Variants in UVRAG observed in about 807,000 individuals in gnomAD.
UVRAG encodes UV radiation resistance associated.
UVRAG carries 19 observed loss-of-function variants against 78.0 expected under a neutral mutation model. The ratio of observed to expected loss-of-function variants is 0.24; its 90% CI spans 0.17 to 0.36. The LOEUF (loss-of-function observed/expected upper bound fraction) is 0.36. UVRAG is among the 10% of genes least tolerant of loss of function. UVRAG has a pLI of 1.00. For synonymous variants in UVRAG, 323 were observed against 324.6 expected (o/e 1.00, Z 0.05); for missense variants, 740 against 853.8 (o/e 0.87, Z 1.66).
intron 14 of UVRAG, among the ~76,000 whole-genome samples, chr11:76,133,201 C>T (rs936964533): frequency 6.6e-6 from 1 of 152,088 alleles, no homozygotes; most frequent in Non-Finnish European, 1.5e-5. Flanking sequence ...AGGAATTTTA[C>T]TTGTATATCT....
intron 12 of UVRAG, among the ~76,000 whole-genome samples, chr11:76,018,141 C>G (rs1447299550): frequency 6.6e-6 from 1 of 151,918 alleles, no homozygotes. Context: ...TTAGCATTGT[C>G]TGGAAAATGG....
chr11:76,021,263 G>A (rs1950241767), intron 12 of UVRAG, among the ~76,000 whole-genome samples: 1 of 152,032 alleles, frequency 6.6e-6, no homozygotes, highest in Non-Finnish European at 1.5e-5. Flanking sequence ...GTTCCTGCAA[G>A]GTTAGCAGGG....
At chr11:75,993,953 C>T (rs1306893087) in intron 8 of UVRAG, among the ~76,000 whole-genome samples, 1 of 152,094 alleles carries the variant, frequency 6.6e-6, no homozygotes, top group African/African-American at 2.4e-5. Flanking sequence ...AGCCAGGTCT[C>T]CTGTGAACTA....
intron 14 of UVRAG, among the ~76,000 whole-genome samples, chr11:76,132,366 CAGACAATCAAGATTT>C (rs1952527842): frequency 6.6e-6 from 1 of 151,928 alleles, no homozygotes; most frequent in Admixed American, 6.6e-5. Flanking sequence ...GGCCGGGAGC[CAGACAATCAAGATTT>C]AGTATTTTGA....
chr11:76,032,090 G>A (rs1269319209), intron 12 of UVRAG, among the ~76,000 whole-genome samples: 1 of 152,118 alleles, frequency 6.6e-6, no homozygotes, highest in Admixed American at 6.5e-5. Context: ...TAATTTGGGG[G>A]AATATTTTGG....
chr11:75,917,557 T>C (rs1435628557), intron 6 of UVRAG, among the ~76,000 whole-genome samples: 3 of 152,192 alleles, frequency 2.0e-5, no homozygotes, highest in Admixed American at 6.5e-5. Context: ...CTTCAATCTA[T>C]ATCTCTAGCT....
intron 6 of UVRAG, chr11:75,930,938 T>TCTTTCTTG (rs1306906275): frequency 9.9e-5 from 14 of 141,288 alleles, no homozygotes; most frequent in African/African-American, 3.7e-4. Context: ...TTTCTTTCTT[T>TCTTTCTTG]CTTTCTTTCT....
At chr11:75,833,653 C>T (rs752205322) in intron 1 of UVRAG, among the ~76,000 whole-genome samples, 13 of 152,078 alleles carry the variant, frequency 8.5e-5, no homozygotes, top group African/African-American at 2.2e-4. Context: ...CTGGGAGCCT[C>T]GGAACAGAGA....
intron 12 of UVRAG, among the ~76,000 whole-genome samples, chr11:76,040,361 T>C (rs1950622261): frequency 6.6e-6 from 1 of 151,186 alleles, no homozygotes; most frequent in African/African-American, 2.4e-5. Context: ...TAGTCCCAGC[T>C]ACTTGGGAGG....
At chr11:76,061,966 C>T (rs1951103338) in intron 12 of UVRAG, among the ~76,000 whole-genome samples, 1 of 152,186 alleles carries the variant, frequency 6.6e-6, no homozygotes, top group Non-Finnish European at 1.5e-5. Context: ...CTGTAAATTA[C>T]CAGAAACTTG....
chr11:75,828,765 A>G (rs1371930389), intron 1 of UVRAG, among the ~76,000 whole-genome samples: 1 of 112,170 alleles, frequency 8.9e-6, no homozygotes, highest in Non-Finnish European at 1.8e-5. Context: ...ATATATATAT[A>G]TATATATATA....
intron 12 of UVRAG, among the ~76,000 whole-genome samples, chr11:76,056,258 C>A (rs1300299802): frequency 6.6e-6 from 1 of 152,218 alleles, no homozygotes; most frequent in Non-Finnish European, 1.5e-5. Context: ...ATCCTCAACA[C>A]TTAGGTGGTT....
intron 14 of UVRAG, among the ~76,000 whole-genome samples, chr11:76,130,998 G>A (rs1453783451): frequency 6.6e-6 from 1 of 151,252 alleles, no homozygotes; most frequent in Non-Finnish European, 1.5e-5. Context: ...CAAGTATCAA[G>A]TGTTGTCCAG....
chr11:76,083,004 C>T (rs1205243471), intron 13 of UVRAG, among the ~76,000 whole-genome samples: 1 of 152,150 alleles, frequency 6.6e-6, no homozygotes, highest in Non-Finnish European at 1.5e-5. Context: ...GCACTCCAGC[C>T]TGGGTGACAG....
intron 6 of UVRAG, among the ~76,000 whole-genome samples, chr11:75,950,628 G>A (rs888338522): frequency 6.6e-6 from 1 of 152,100 alleles, no homozygotes; most frequent in African/African-American, 2.4e-5. Flanking sequence ...TTGCCACACA[G>A]GTTTCCAAAG....
chr11:76,009,819 T>A (rs2135351475), intron 11 of UVRAG, among the ~76,000 whole-genome samples: 1 of 152,326 alleles, frequency 6.6e-6, no homozygotes, highest in East Asian at 1.9e-4. Flanking sequence ...TTGGAACAAG[T>A]AATGTAACCT....
intron 3 of UVRAG, among the ~76,000 whole-genome samples, chr11:75,868,504 TG>T (rs1018955371): frequency 3.9e-5 from 6 of 152,134 alleles, no homozygotes; most frequent in African/African-American, 1.4e-4. Flanking sequence ...TAATGCAAAA[TG>T]GGGCACATCT....
chr11:76,101,913 G>A (rs1951885953), intron 13 of UVRAG, among the ~76,000 whole-genome samples: 1 of 151,952 alleles, frequency 6.6e-6, no homozygotes, highest in South Asian at 2.1e-4. Flanking sequence ...TTATTTGGGG[G>A]GTCTATTCTA....
At position 76,139,236 on chromosome 11, in the gene UVRAG, A is replaced by G. The variant is rs200395362; in HGVS notation, c.1398-1475A>G. Among the ~76,000 whole-genome samples, 6 of 152,292 alleles carry G rather than the reference A, an allele frequency of 3.9e-5. No homozygotes were observed. The East Asian group carries it at 9.6e-4, about 24-fold the overall frequency. ...GACTGCAAGTATAATCCTGCATCAG[A>G]GGAGAGAGAGCAGGGAGCTGGGGCC... On this transcript the variant is annotated intron_variant, in intron 14 of 14. Transcript: ENST00000356136.
Sources: gnomAD v4.1 joint callset for allele counts (sites outside exome capture counted in the v4.1 genomes callset) on GRCh38, gnomAD v4.1.1 for gene constraint, MANE v1.5 for transcripts, NCBI Gene and HGNC (gene_info 2026-07-23, HGNC 2026-07-21) for gene names.